The following TTLL7 variants were observed in gnomAD, a reference collection of about 807,000 sequenced individuals.
TTLL7 encodes the protein tubulin polyglutamylase TTLL7.
TTLL7 carries 53 observed loss-of-function variants against 120.2 expected under a neutral mutation model. The observed-to-expected ratio is 0.44, with a 90% CI of 0.35 to 0.55. TTLL7 has a LOEUF of 0.55. Ranked by LOEUF, TTLL7 falls within the 20% of genes least tolerant of loss-of-function variation. The pLI is 0.00. For missense variants in TTLL7, 803 were observed against 1,054.7 expected (o/e 0.76, Z 3.31); for synonymous variants, 353 against 351.7 (o/e 1.00, Z -0.04).
chr1:83,865,467 G>A lies in TTLL7; in HGVS notation c.*4495C>T, dbSNP rs1652852832. The A allele has an allele frequency of 6.6e-6, 1 of 151,954 alleles. No homozygotes were observed. Among genetic ancestry groups the A allele is most frequent in the African/African-American group, 2.4e-5 (1 of 41,424 alleles). The allele number at this position is 151,954 out of a possible 1,614,324, so 9.4% of individuals were successfully genotyped here. A position where few individuals can be genotyped will look rare whatever the true frequency, so the allele number is the denominator to read the frequency against. On this transcript the variant is annotated 3_prime_UTR_variant, in exon 21 of 21. Coordinates refer to ENST00000260505, the MANE Select transcript of TTLL7 (RefSeq NM_024686.6). Reference sequence around the variant, plus strand: ...ATTGATTGTACCTGTAGATAATACAGCGCAGTTAATGTAGAATGTGTAACT... The same window carrying A: ...ATTGATTGTACCTGTAGATAATACAACGCAGTTAATGTAGAATGTGTAACT...
At chr1:83,964,144 A>C (rs577441949) in intron 1 of TTLL7, among the ~76,000 whole-genome samples, 1 of 152,298 alleles carries the variant, frequency 6.6e-6, no homozygotes, top group African/African-American at 2.4e-5. Flanking sequence ...ATTAAATTCA[A>C]CTATATTTTA....
intron 1 of TTLL7, chr1:83,983,943 T>C (rs1446541436): frequency 1.3e-5 from 2 of 152,088 alleles, no homozygotes; most frequent in Non-Finnish European, 2.9e-5. Flanking sequence ...TAAACAAAAT[T>C]AGCTGAGTAT....
At chr1:83,888,526 A>G (rs1655160044) in intron 19 of TTLL7, among the ~76,000 whole-genome samples, 1 of 152,058 alleles carries the variant, frequency 6.6e-6, no homozygotes. Flanking sequence ...AGATCATTTC[A>G]GAATAGAACA....
chr1:83,884,104 A>G (rs1654754897), intron 19 of TTLL7, among the ~76,000 whole-genome samples: 1 of 151,748 alleles, frequency 6.6e-6, no homozygotes, highest in Non-Finnish European at 1.5e-5. Context: ...TTATATCAGG[A>G]AACACCTCAC....
chr1:83,957,145 A>G (rs1208738862), intron 1 of TTLL7, among the ~76,000 whole-genome samples: 1 of 152,184 alleles, frequency 6.6e-6, no homozygotes, highest in Non-Finnish European at 1.5e-5. Context: ...TAAAAGATTT[A>G]TTCTTTCCAC....
intron 7 of TTLL7, among the ~76,000 whole-genome samples, chr1:83,940,345 T>C (rs1647837037): frequency 6.6e-6 from 1 of 152,202 alleles, no homozygotes; most frequent in South Asian, 2.1e-4. Flanking sequence ...ATTTAAATTA[T>C]AATCTATGTA....
intron 18 of TTLL7, among the ~76,000 whole-genome samples, chr1:83,897,648 A>G (rs1571108243): frequency 6.6e-6 from 1 of 151,910 alleles, no homozygotes; most frequent in African/African-American, 2.4e-5. Flanking sequence ...GTGAAGAGCT[A>G]TTTCTGCTCA....
At chr1:83,968,751 T>C (rs765323212) in intron 1 of TTLL7, among the ~76,000 whole-genome samples, 2 of 152,034 alleles carry the variant, frequency 1.3e-5, no homozygotes, top group Non-Finnish European at 2.9e-5. Flanking sequence ...ATGATCTAAA[T>C]CTGTATTATT....
At chr1:83,927,057 A>C (rs1361572032) in intron 10 of TTLL7, among the ~76,000 whole-genome samples, 1 of 152,204 alleles carries the variant, frequency 6.6e-6, no homozygotes, top group Non-Finnish European at 1.5e-5. Context: ...AGTAAAAAAA[A>C]AGGATCAATT....
intron 8 of TTLL7, among the ~76,000 whole-genome samples, chr1:83,935,338 T>A (rs891857858): frequency 1.3e-5 from 2 of 152,182 alleles, no homozygotes; most frequent in South Asian, 4.1e-4. Context: ...GAATTACAAA[T>A]CTGTGTTTTT....
At chr1:83,991,259 T>C (rs147347233) in intron 1 of TTLL7, among the ~76,000 whole-genome samples, 1 of 152,164 alleles carries the variant, frequency 6.6e-6, no homozygotes, top group Non-Finnish European at 1.5e-5. Context: ...GTTTACCAGA[T>C]GAAAATGTTC....
chr1:83,910,335 A>G (rs769033547), intron 15 of TTLL7, among the ~76,000 whole-genome samples: 6 of 152,156 alleles, frequency 3.9e-5, no homozygotes, highest in East Asian at 1.9e-4. Flanking sequence ...ACCCTAGGAC[A>G]GTGGAGCACG....
intron 1 of TTLL7, among the ~76,000 whole-genome samples, chr1:83,992,601 C>A (rs1653101379): frequency 1.3e-5 from 2 of 152,040 alleles, no homozygotes; most frequent in Admixed American, 1.3e-4. Flanking sequence ...TTCTGCCTTG[C>A]TTTTTCTCTC....
At chr1:83,948,063 G>A (rs544305319) in intron 5 of TTLL7, among the ~76,000 whole-genome samples, 3 of 152,110 alleles carry the variant, frequency 2.0e-5, no homozygotes, top group African/African-American at 7.2e-5. Context: ...AAATATCTGT[G>A]CATGTGTATC....
At chr1:83,949,784 A>AT (rs1279301344) in intron 4 of TTLL7, 81 bp downstream of exon 4, 10 of 1,504,282 alleles carry the variant, frequency 6.6e-6, no homozygotes, top group Non-Finnish European at 8.2e-6. Context: ...AAGGCAACAT[A>AT]TTAAGAACCT....
intron 19 of TTLL7, 131 bp from the exon 20 acceptor site, chr1:83,883,267 G>A: frequency 6.6e-6 from 4 of 601,752 alleles, no homozygotes; most frequent in Admixed American, 3.4e-5. Context: ...AACTATGAAT[G>A]GTTTAAAGAT....
chr1:83,890,105 C>T (rs1655330500), intron 19 of TTLL7, among the ~76,000 whole-genome samples: 1 of 151,970 alleles, frequency 6.6e-6, no homozygotes, highest in Non-Finnish European at 1.5e-5. Context: ...ACCTTCTCTC[C>T]ACCGAATTCA....
chr1:83,905,912 A>G (rs1446393098), intron 17 of TTLL7, among the ~76,000 whole-genome samples: 2 of 152,078 alleles, frequency 1.3e-5, no homozygotes, highest in Non-Finnish European at 2.9e-5. Flanking sequence ...AAGGTGTCAC[A>G]TTCAAATATT....
At chr1:83,901,609 G>A (rs665544) in intron 18 of TTLL7, among the ~76,000 whole-genome samples, 5 of 151,852 alleles carry the variant, frequency 3.3e-5, no homozygotes, top group African/African-American at 1.2e-4. Flanking sequence ...CAAAGTCAGC[G>A]ACTTGAAAAC....
Sources: allele counts gnomAD v4.1 joint callset (sites outside exome capture counted in the v4.1 genomes callset), GRCh38; gene constraint gnomAD v4.1.1; transcripts MANE v1.5; gene names NCBI Gene and HGNC (gene_info 2026-07-23, HGNC 2026-07-21).